NRXN1: variants seen among roughly 807,000 people sequenced by gnomAD.
NRXN1 encodes the protein neurexin 1.
Under a neutral mutation model 150.9 loss-of-function variants are expected in NRXN1, and 39 were observed. The ratio of observed to expected loss-of-function variants is 0.26; its 90% CI spans 0.20 to 0.34. The LOEUF is 0.34. Among genes scored for constraint, NRXN1 ranks in the 10% least tolerant of loss-of-function variants. The pLI is 1.00. For missense variants in NRXN1, 1,815 were observed against 1,949.9 expected (o/e 0.93, Z 1.30); for synonymous variants, 924 against 757.0 (o/e 1.22, Z -3.62).
At position 50,189,955 on chromosome 2, in the gene NRXN1, C is replaced by G. The variant is rs2061345700; in HGVS notation, c.3546+46834G>C. Among the ~76,000 whole-genome samples the G allele has an allele frequency of 2.0e-5, 3 of 152,216 alleles. No individual in the cohort carries two copies. In the South Asian group the frequency reaches 6.2e-4, roughly 32 times the overall value. On this transcript the variant is annotated intron_variant, in intron 18 of 22. Coordinates refer to ENST00000401669, the MANE Select transcript of NRXN1 (RefSeq NM_001330078.2). ...TTTTCTACATTTCACAAATCAAACTCAAACAATATACAATCATCTTGAATG... is the reference window on the plus strand; with the variant it reads ...TTTTCTACATTTCACAAATCAAACTGAAACAATATACAATCATCTTGAATG...
intron 19 of NRXN1, among the ~76,000 whole-genome samples, chr2:50,088,018 G>C (rs1699039712): frequency 6.6e-6 from 1 of 152,116 alleles, no homozygotes; most frequent in Non-Finnish European, 1.5e-5. Context: ...ACCATATATA[G>C]TCTGCTGGTT....
At chr2:50,820,154 T>C (rs969392850) in intron 5 of NRXN1, among the ~76,000 whole-genome samples, 10 of 152,138 alleles carry the variant, frequency 6.6e-5, no homozygotes, top group Non-Finnish European at 1.5e-4. Flanking sequence ...AATCATGAAG[T>C]GGTCCAGAAA....
At chr2:49,942,293 G>T (rs1163400982) in intron 22 of NRXN1, among the ~76,000 whole-genome samples, 1 of 152,150 alleles carries the variant, frequency 6.6e-6, no homozygotes, top group African/African-American at 2.4e-5. Flanking sequence ...GTTGCGAGGT[G>T]ACTGCCGAGC....
At chr2:50,384,402 A>T (rs968477219) in intron 17 of NRXN1, among the ~76,000 whole-genome samples, 1 of 147,672 alleles carries the variant, frequency 6.8e-6, no homozygotes, top group Non-Finnish European at 1.5e-5. Context: ...GCTACTTGGG[A>T]GGCTAAGGCA....
At chr2:50,273,713 T>C (rs987079886) in intron 17 of NRXN1, among the ~76,000 whole-genome samples, 14 of 152,070 alleles carry the variant, frequency 9.2e-5, no homozygotes, top group Non-Finnish European at 1.5e-5. Flanking sequence ...CCATGTTAAT[T>C]CCACTTGGTA....
chr2:50,168,257 A>C (rs1050324411), intron 18 of NRXN1, among the ~76,000 whole-genome samples: 2 of 152,186 alleles, frequency 1.3e-5, no homozygotes, highest in Non-Finnish European at 2.9e-5. Context: ...TAATAGTTTT[A>C]ACCCTTAAGC....
intron 5 of NRXN1, among the ~76,000 whole-genome samples, chr2:50,654,200 GCCC>G (rs1559079733): frequency 2.8e-5 from 1 of 36,178 alleles, no homozygotes; most frequent in African/African-American, 1.0e-4. Flanking sequence ...CCCACAACAG[GCCC>G]CAGTGTGATG....
chr2:50,830,757 T>A (rs1375039712), intron 5 of NRXN1, among the ~76,000 whole-genome samples: 1 of 150,744 alleles, frequency 6.6e-6, no homozygotes. Flanking sequence ...TAATTTCTTT[T>A]AAAATTAAAT....
At chr2:50,901,767 A>G (rs1423556848) in intron 5 of NRXN1, among the ~76,000 whole-genome samples, 1 of 152,162 alleles carries the variant, frequency 6.6e-6, no homozygotes, top group East Asian at 1.9e-4. Flanking sequence ...CAACAATCCA[A>G]AGAAACTGCC....
intron 17 of NRXN1, among the ~76,000 whole-genome samples, chr2:50,351,069 G>T (rs2078375836): frequency 6.6e-6 from 1 of 152,172 alleles, no homozygotes; most frequent in African/African-American, 2.4e-5. Flanking sequence ...TCTGGATGAA[G>T]CAAATAAAGC....
At chr2:50,898,602 G>T (rs1682392870) in intron 5 of NRXN1, 2 of 487,794 alleles carry the variant, frequency 4.1e-6, no homozygotes, top group South Asian at 3.0e-5. Context: ...ATTCAACTTT[G>T]CTGTAATATT....
chr2:50,253,034 T>C (rs2067312127), intron 17 of NRXN1, among the ~76,000 whole-genome samples: 2 of 152,228 alleles, frequency 1.3e-5, no homozygotes, highest in African/African-American at 2.4e-5. Flanking sequence ...TGATTCTTCC[T>C]ATCCATGAGC....
chr2:50,610,985 A>G (rs900548847), intron 8 of NRXN1, among the ~76,000 whole-genome samples: 2 of 149,730 alleles, frequency 1.3e-5, no homozygotes, highest in African/African-American at 2.5e-5. Flanking sequence ...ATTTCAAGTC[A>G]TCTACCTGAC....
At chr2:50,048,050 TA>T (rs537525262) in intron 21 of NRXN1, among the ~76,000 whole-genome samples, 3 of 151,952 alleles carry the variant, frequency 2.0e-5, no homozygotes, top group Admixed American at 6.6e-5. Context: ...ACGCAGAACT[TA>T]AAAAAAATCC....
chr2:49,935,198 C>G (rs1214654102), intron 22 of NRXN1, among the ~76,000 whole-genome samples: 1 of 152,130 alleles, frequency 6.6e-6, no homozygotes, highest in East Asian at 1.9e-4. Context: ...GAACATTATT[C>G]CTTTCATTTT....
At chr2:50,005,459 A>G (rs1035955409) in intron 21 of NRXN1, among the ~76,000 whole-genome samples, 3 of 152,136 alleles carry the variant, frequency 2.0e-5, no homozygotes, top group Non-Finnish European at 2.9e-5. Context: ...CAGGCCAATA[A>G]TAGCATTACC....
intron 18 of NRXN1, among the ~76,000 whole-genome samples, chr2:50,170,666 A>C (rs1029761852): frequency 3.6e-4 from 54 of 152,000 alleles, no homozygotes; most frequent in African/African-American, 9.4e-4. Flanking sequence ...CAAATAGTGC[A>C]AATATTCCAC....
At chr2:50,798,978 G>A (rs1298125783) in intron 5 of NRXN1, among the ~76,000 whole-genome samples, 2 of 151,944 alleles carry the variant, frequency 1.3e-5, no homozygotes, top group African/African-American at 4.8e-5. Flanking sequence ...TATTAGGTTG[G>A]TGCAAAAGTA....
At chr2:50,123,342 G>GA (rs750447025) in intron 18 of NRXN1, among the ~76,000 whole-genome samples, 4 of 152,140 alleles carry the variant, frequency 2.6e-5, no homozygotes, top group Non-Finnish European at 4.4e-5. Flanking sequence ...TAATGTCTGG[G>GA]AAAAAAGCAT....
Sources: allele counts gnomAD v4.1 joint callset (sites outside exome capture counted in the v4.1 genomes callset), GRCh38; gene constraint gnomAD v4.1.1; transcripts MANE v1.5; gene names NCBI Gene and HGNC (gene_info 2026-07-23, HGNC 2026-07-21).